The following LRRC9 variants were observed in gnomAD, a reference collection of about 807,000 sequenced individuals.
LRRC9 encodes the protein leucine rich repeat containing 9.
In LRRC9, 122 loss-of-function variants were observed where a neutral mutation model predicts 63.2. The ratio of observed to expected loss-of-function variants is 1.93; its 90% CI spans 1.67 to 2.24. The LOEUF (loss-of-function observed/expected upper bound fraction) is 2.24, where lower values mean the gene tolerates loss of function less well. LRRC9 is among the 30% of genes most tolerant of loss of function. The probability of loss-of-function intolerance (pLI) is 0.00; values close to 1 mark genes in which losing one functional copy is unlikely to be tolerated. For synonymous variants in LRRC9, 366 were observed against 213.1 expected (o/e 1.72, Z -6.25); for missense variants, 1,071 against 627.7 (o/e 1.71, Z -7.55).
chr14:59,997,831 A>C (rs1888958124), exon 18 of LRRC9: 2 of 697,602 alleles, frequency 2.9e-6, no homozygotes, highest in Admixed American at 4.0e-5. Context: ...GATATTCAAC[A>C]TAATCCATGG....
Position 59,938,353 on chromosome 14 carries a change from C to A in LRRC9, c.544-37C>A. On this transcript the variant is annotated intron_variant, in intron 6 of 31. Transcript: ENST00000445360. The surrounding 1 kb of genome is among the most constrained non-coding windows in gnomAD (Gnocchi z 4.2). Reference sequence around the variant, plus strand: ...AAATACTGCCTTTAGAAATGACAGTCACAATTAACTGAACATTATCTTTGC... The same window carrying A: ...AAATACTGCCTTTAGAAATGACAGTAACAATTAACTGAACATTATCTTTGC... The A allele has an allele frequency of 1.6e-6, 1 of 632,888 alleles. No individual in the cohort carries two copies. Among genetic ancestry groups the A allele is most frequent in the South Asian group, 1.8e-5 (1 of 55,086 alleles). 39.2% of individuals were successfully genotyped at this position (632,888 alleles called of 1,614,324 possible).
intron 6 of LRRC9, among the ~76,000 whole-genome samples, chr14:59,934,469 A>T (rs1889967669): frequency 6.6e-6 from 1 of 152,226 alleles, no homozygotes; most frequent in East Asian, 1.9e-4. Context: ...CAATCTTGGC[A>T]TAACAAGCAA....
exon 16 of LRRC9, chr14:59,981,849 T>A (rs891423447): frequency 2.9e-6 from 2 of 690,790 alleles, no homozygotes; most frequent in Non-Finnish European, 5.2e-6. Flanking sequence ...ATTTTTTAGG[T>A]CAAGGCACCC....
rs73308129 is a variant in LRRC9 at position 60,051,640 on chromosome 14, C to T, written c.3991-1425C>T. Among the ~76,000 whole-genome samples, 7 of 152,248 alleles carry T rather than the reference C, an allele frequency of 4.6e-5. No individual in the cohort carries two copies. The highest frequency in any genetic ancestry group is 2.1e-4 in the South Asian group (1 of 4,816). ...TGCCATGAAACTGAGGCCTGCAGAC[C>T]GACACTGCTTGGCTCCCTGGATTCA... On this transcript the variant is annotated intron_variant, in intron 29 of 31. Transcript: ENST00000445360. This position sits in a 1 kb window ranked among gnomAD's most constrained non-coding sequence, Gnocchi z 4.7.
chr14:59,933,883 G>A (rs1889911934), intron 6 of LRRC9, among the ~76,000 whole-genome samples: 1 of 152,104 alleles, frequency 6.6e-6, no homozygotes, highest in Admixed American at 6.6e-5. Context: ...GGAGTATAGA[G>A]TATATATAGC....
intron 7 of LRRC9, among the ~76,000 whole-genome samples, chr14:59,939,515 C>A (rs1216317870): frequency 6.6e-6 from 1 of 151,922 alleles, no homozygotes; most frequent in African/African-American, 2.4e-5. Context: ...AGCAGAGAGA[C>A]CAGTTAGGAG....
chr14:60,053,237 T>C lies in LRRC9; in HGVS notation c.4131+32T>C. On this transcript the variant is annotated intron_variant, in intron 30 of 31. Coordinates refer to ENST00000445360, the Ensembl canonical transcript of LRRC9. The surrounding 1 kb of genome is among the most constrained non-coding windows in gnomAD (Gnocchi z 4.8). ...ATTATATTATTTACAATTTTCCTTT[T>C]GAAGCACATTAATGGTTAGTAAATG... is the stretch of plus-strand genomic sequence containing the variant. 1.5e-6 allele frequency: 1 copy of C among 685,624 alleles called. No individual in the cohort carries two copies. The highest frequency in any genetic ancestry group is 1.6e-5 in the South Asian group (1 of 64,212). 42.5% of individuals were successfully genotyped at this position (685,624 alleles called of 1,614,324 possible).
chr14:59,968,796 G>C (rs920150609), intron 12 of LRRC9, among the ~76,000 whole-genome samples: 2 of 152,138 alleles, frequency 1.3e-5, no homozygotes, highest in African/African-American at 4.8e-5. Flanking sequence ...TTTATCTTCT[G>C]CATCTCCTAA....
chr14:59,978,163 A>C, intron 15 of LRRC9, 31 bp downstream of exon 15: 1 of 697,668 alleles, frequency 1.4e-6, no homozygotes, highest in Non-Finnish European at 2.6e-6. Context: ...TTAAAGACTA[A>C]TTCTAATTCC....
At chr14:60,012,786 CTCTT>C (rs1890352838) in intron 23 of LRRC9, among the ~76,000 whole-genome samples, 1 of 152,150 alleles carries the variant, frequency 6.6e-6, no homozygotes, top group Non-Finnish European at 1.5e-5. Context: ...TACTGACTGA[CTCTT>C]TACAGGAAAA....
intron 10 of LRRC9, among the ~76,000 whole-genome samples, chr14:59,965,882 CAAAAAAAAAAAAAAAAAAAAAA>C (rs71111678): frequency 2.7e-4 from 8 of 29,236 alleles, no homozygotes; most frequent in East Asian, 2.2e-3. Context: ...GACTCCGCCT[CAAAAAAAAAAAAAAAAAAAAAA>C]AAAAAAAAAA....
intron 1 of LRRC9, among the ~76,000 whole-genome samples, chr14:59,925,773 G>A (rs978870350): frequency 6.6e-6 from 1 of 152,026 alleles, no homozygotes; most frequent in African/African-American, 2.4e-5. Flanking sequence ...GAATTGTTTG[G>A]TGAAACTTCT....
At chr14:60,057,770 T>C in intron 30 of LRRC9, 108 bp from the exon 31 acceptor site, 1 of 451,198 alleles carries the variant, frequency 2.2e-6, no homozygotes, top group Non-Finnish European at 4.0e-6. Flanking sequence ...AGGTAGCTCC[T>C]GACTAAAAAG....
intron 3 of LRRC9, among the ~76,000 whole-genome samples, chr14:59,929,909 C>G (rs1237255858): frequency 3.3e-5 from 5 of 151,980 alleles, no homozygotes. Flanking sequence ...GAACGACAGA[C>G]TCTGGGGCCT....
chr14:59,979,211 C>A (rs960552688), intron 15 of LRRC9, among the ~76,000 whole-genome samples: 2 of 152,028 alleles, frequency 1.3e-5, no homozygotes, highest in Non-Finnish European at 2.9e-5. Context: ...CCAGCCTGGG[C>A]AACATAGTGA....
At chr14:59,997,577 G>A in intron 17 of LRRC9, 79 bp from the exon 18 acceptor site, 1 of 601,140 alleles carries the variant, frequency 1.7e-6, no homozygotes, top group Non-Finnish European at 3.0e-6. Flanking sequence ...TGTAAAGTAT[G>A]TAAAGAACCA....
rs551051486 is a variant in LRRC9 at position 59,931,600 on chromosome 14, A to G, written c.409-19A>G. 4.2e-5 allele frequency: 29 copies of G among 690,100 alleles called. No homozygotes were observed. The highest frequency in any genetic ancestry group is 4.0e-4 in the Admixed American group (19 of 47,182). The allele number at this position is 690,100 out of a possible 1,614,324, so 42.7% of individuals were successfully genotyped here. On this transcript the variant is annotated intron_variant, in intron 4 of 31. Coordinates refer to ENST00000445360, the Ensembl canonical transcript of LRRC9. ...ATTTTAATTATCTGTTCTAAATAAT[A>G]TGTTGTCTAAATTTTTAGGGTTTGC...
chr14:59,941,345 T>G (rs959950855), intron 7 of LRRC9, among the ~76,000 whole-genome samples: 14 of 151,778 alleles, frequency 9.2e-5, no homozygotes, highest in African/African-American at 3.4e-4. Flanking sequence ...TTTTGAAATG[T>G]GAATATATTG....
chr14:60,039,031 T>C (rs748379219), intron 29 of LRRC9, among the ~76,000 whole-genome samples: 4 of 152,236 alleles, frequency 2.6e-5, no homozygotes, highest in Admixed American at 6.5e-5. Flanking sequence ...TCATGTAGTT[T>C]TTGTCCTTGG....
Sources: allele counts gnomAD v4.1 joint callset (sites outside exome capture counted in the v4.1 genomes callset), GRCh38; gene constraint gnomAD v4.1.1; non-coding constraint Gnocchi (gnomAD v3.1); transcripts MANE v1.5; gene names NCBI Gene and HGNC (gene_info 2026-07-23, HGNC 2026-07-21).